The following FSTL5 variants were observed in gnomAD, a reference collection of about 807,000 sequenced individuals.
The protein encoded by FSTL5 is follistatin like 5.
In FSTL5, 62 loss-of-function variants were observed where a neutral mutation model predicts 89.1. The observed-to-expected ratio is 0.70, with a 90% CI of 0.57 to 0.86. The LOEUF is 0.86. FSTL5 is among the 40% of genes least tolerant of loss of function. The pLI is 0.00. For synonymous variants in FSTL5, 383 were observed against 346.2 expected (o/e 1.11, Z -1.18); for missense variants, 1,057 against 1,001.6 (o/e 1.06, Z -0.75).
chr4:161,851,476 C>T (rs1731547172), intron 4 of FSTL5, among the ~76,000 whole-genome samples: 1 of 152,062 alleles, frequency 6.6e-6, no homozygotes, highest in African/African-American at 2.4e-5. Flanking sequence ...TTTCAGGTAT[C>T]TTTCGTAATG....
intron 4 of FSTL5, among the ~76,000 whole-genome samples, chr4:161,895,718 C>T (rs896469185): frequency 6.6e-6 from 1 of 152,098 alleles, no homozygotes; most frequent in African/African-American, 2.4e-5. Context: ...TGATAAAAAA[C>T]ATTTATACAT....
intron 4 of FSTL5, among the ~76,000 whole-genome samples, chr4:161,919,910 T>G (rs542672995): frequency 4.7e-4 from 71 of 152,298 alleles, no homozygotes; most frequent in African/African-American, 1.7e-3. Flanking sequence ...GATTCACTAA[T>G]GAGATTTAGC....
chr4:161,773,165 C>CTCA (rs1741272052), intron 5 of FSTL5, among the ~76,000 whole-genome samples: 1 of 152,124 alleles, frequency 6.6e-6, no homozygotes, highest in African/African-American at 2.4e-5. Context: ...AAACTGGATC[C>CTCA]TCATCTCGCA....
Position 161,465,576 on chromosome 4 carries a change from C to T in FSTL5, c.1609-6257G>A, listed in dbSNP as rs79228518. ...AGCTACAGACAAGTGCCACCACAAC[C>T]GGCAGTATAATTTACACTTGACTAC... On this transcript the variant is annotated intron_variant, in intron 13 of 15. Coordinates refer to ENST00000306100, the MANE Select transcript of FSTL5 (RefSeq NM_020116.5). 8.7e-3 allele frequency among the ~76,000 whole-genome samples: 1,317 copies of T among 152,202 alleles called. 13 individuals carry two copies. The highest frequency in any genetic ancestry group is 0.044 in the Middle Eastern group (13 of 294).
Position 161,448,272 on chromosome 4 carries a change from C to T in FSTL5, c.1841+6732G>A, listed in dbSNP as rs182070514. Among the ~76,000 whole-genome samples, 446 of 152,184 alleles carry T rather than the reference C, an allele frequency of 2.9e-3. 7 individuals are homozygous for T. The highest frequency in any genetic ancestry group is 0.025 in the Admixed American group (388 of 15,274). ...TTTTGAAACAATTTTAATTGCAGTT[C>T]ATCATCCCAAGATTTTACTTTTCTC... On this transcript the variant is annotated intron_variant, in intron 15 of 15. Transcript: ENST00000306100.
At chr4:162,049,616 A>G (rs1362232953) in intron 2 of FSTL5, among the ~76,000 whole-genome samples, 3 of 152,104 alleles carry the variant, frequency 2.0e-5, no homozygotes. Flanking sequence ...TCTTGAATTA[A>G]GTTAGGATTA....
chr4:161,619,953 C>T (rs1174433645), intron 7 of FSTL5, among the ~76,000 whole-genome samples: 6 of 151,952 alleles, frequency 3.9e-5, no homozygotes, highest in Admixed American at 1.3e-4. Context: ...TGTCCAACAA[C>T]GATAGACTGG....
intron 1 of FSTL5, among the ~76,000 whole-genome samples, chr4:162,139,639 T>C (rs1379522827): frequency 1.3e-5 from 2 of 152,088 alleles, no homozygotes; most frequent in East Asian, 3.8e-4. Flanking sequence ...ATGAAAAAAA[T>C]TAATTTCTCT....
chr4:161,957,641 C>G (rs1044139860), intron 3 of FSTL5, among the ~76,000 whole-genome samples: 4 of 152,014 alleles, frequency 2.6e-5, no homozygotes, highest in African/African-American at 9.7e-5. Flanking sequence ...CCAGCCAGAC[C>G]GAGTCCTTTT....
At chr4:162,015,807 T>C (rs1736900866) in intron 3 of FSTL5, among the ~76,000 whole-genome samples, 1 of 152,198 alleles carries the variant, frequency 6.6e-6, no homozygotes, top group Non-Finnish European at 1.5e-5. Context: ...TGCCATAAAA[T>C]AGCATGTCAG....
intron 4 of FSTL5, among the ~76,000 whole-genome samples, chr4:161,856,899 G>A (rs1560884436): frequency 6.6e-6 from 1 of 152,070 alleles, no homozygotes; most frequent in Non-Finnish European, 1.5e-5. Flanking sequence ...TCAAGGCTGT[G>A]AAGCCAGATT....
At position 161,457,147 on chromosome 4, in the gene FSTL5, G is replaced by A. The variant is rs201936832; in HGVS notation, c.1717-2019C>T. On this transcript the variant is annotated intron_variant, in intron 14 of 15. Coordinates refer to ENST00000306100, the MANE Select transcript of FSTL5 (RefSeq NM_020116.5). ...GCCTATTCTCTGATCCAGAGATCTT[G>A]TGTTTCCTATCATATTGTTTGCCAA... 4.6e-5 allele frequency among the ~76,000 whole-genome samples: 7 copies of A among 152,224 alleles called. No homozygotes were observed. In the East Asian group the frequency reaches 1.4e-3, roughly 29 times the overall value.
rs906539484 is a variant in FSTL5, at chr4:161,859,780, T to A, written c.409+60624A>T. Reference sequence around the variant, plus strand: ...AGAGGCTTGAATACCACGGATTAAGTGCTATTATGTTCATGTGCAGAGGGC... The same window carrying A: ...AGAGGCTTGAATACCACGGATTAAGAGCTATTATGTTCATGTGCAGAGGGC... On this transcript the variant is annotated intron_variant, in intron 4 of 15. Coordinates refer to ENST00000306100, the MANE Select transcript of FSTL5 (RefSeq NM_020116.5). Among the ~76,000 whole-genome samples, 3 of 152,138 alleles carry A rather than the reference T, an allele frequency of 2.0e-5. No homozygotes were observed. In the East Asian group the frequency reaches 5.8e-4, roughly 29 times the overall value.
Position 161,596,733 on chromosome 4 carries a change from C to T in FSTL5, c.895-9158G>A, listed in dbSNP as rs923660328. Among the ~76,000 whole-genome samples the T allele has an allele frequency of 3.3e-5, 5 of 152,000 alleles. No homozygotes were observed. The South Asian group carries it at 8.3e-4, about 25-fold the overall frequency. On this transcript the variant is annotated intron_variant, in intron 7 of 15. Transcript: ENST00000306100. ...ATGTGGTTTGGAATACAATGTAATT[C>T]GTTAAAAGTAAAAGGGTCTTAGGAA... is the stretch of plus-strand genomic sequence containing the variant.
intron 5 of FSTL5, among the ~76,000 whole-genome samples, chr4:161,770,133 T>C (rs957161992): frequency 3.3e-5 from 5 of 152,050 alleles, no homozygotes; most frequent in African/African-American, 1.2e-4. Context: ...ACTTCATATA[T>C]TCTTACTTAT....
At chr4:161,394,965 T>C (rs1477242715) in intron 15 of FSTL5, among the ~76,000 whole-genome samples, 1 of 152,150 alleles carries the variant, frequency 6.6e-6, no homozygotes, top group African/African-American at 2.4e-5. Context: ...TTAACTATTA[T>C]TGATTTAAGA....
intron 10 of FSTL5, among the ~76,000 whole-genome samples, chr4:161,522,386 T>C (rs1731067184): frequency 6.6e-6 from 1 of 152,128 alleles, no homozygotes; most frequent in Non-Finnish European, 1.5e-5. Context: ...ACATGTTTAA[T>C]TACTGCTCAT....
At chr4:161,496,604 G>A (rs1730080479) in intron 12 of FSTL5, among the ~76,000 whole-genome samples, 1 of 152,088 alleles carries the variant, frequency 6.6e-6, no homozygotes, top group Non-Finnish European at 1.5e-5. Context: ...CAACTCCTGT[G>A]TAGGTTTCCA....
rs1157100034 is a variant in FSTL5, at chr4:162,083,340, CA to C, written c.126+27930del. Among the ~76,000 whole-genome samples, 17 of 151,830 alleles carry C rather than the reference CA, an allele frequency of 1.1e-4. No individual in the cohort carries two copies. The East Asian group carries it at 2.1e-3, about 19-fold the overall frequency. The stretch of plus-strand genomic sequence containing the variant: ...AAAAACTAATGAATGATCATTACCA[CA>C]TGCTATGCTCTAATTCTCACAGGGA... On this transcript the variant is annotated intron_variant, in intron 2 of 15. Transcript: ENST00000306100.
Sources: allele counts gnomAD v4.1 joint callset (sites outside exome capture counted in the v4.1 genomes callset), GRCh38; gene constraint gnomAD v4.1.1; transcripts MANE v1.5; gene names NCBI Gene and HGNC (gene_info 2026-07-23, HGNC 2026-07-21).